The following PJA2 variants were observed in gnomAD, a reference collection of about 807,000 sequenced individuals.
PJA2 encodes E3 ubiquitin-protein ligase Praja-2.
In PJA2, 25 loss-of-function variants were observed where a neutral mutation model predicts 69.3. That is an observed-to-expected ratio of 0.36 (90% CI 0.26 to 0.50). PJA2 has a LOEUF of 0.50. PJA2 is among the 20% of genes least tolerant of loss of function. The probability of loss-of-function intolerance (pLI) is 0.96; values close to 1 mark genes in which losing one functional copy is unlikely to be tolerated. For synonymous variants in PJA2, 308 were observed against 277.8 expected (o/e 1.11, Z -1.08); for missense variants, 809 against 830.2 (o/e 0.97, Z 0.31).
At chr5:109,382,733 A>T (rs1747079321) in intron 2 of PJA2, among the ~76,000 whole-genome samples, 1 of 152,094 alleles carries the variant, frequency 6.6e-6, no homozygotes, top group Non-Finnish European at 1.5e-5. Context: ...CCATAATTCC[A>T]GCTACTCAGG....
At chr5:109,406,359 G>C (rs1747694127) in intron 1 of PJA2, among the ~76,000 whole-genome samples, 1 of 152,014 alleles carries the variant, frequency 6.6e-6, no homozygotes, top group Non-Finnish European at 1.5e-5. Flanking sequence ...TTGTTTGTTT[G>C]TTTTTTAATG....
intron 5 of PJA2, among the ~76,000 whole-genome samples, chr5:109,364,366 G>A (rs1016883410): frequency 1.4e-4 from 22 of 152,072 alleles, no homozygotes; most frequent in Admixed American, 1.2e-3. Context: ...GCTCACGCCT[G>A]TAATCCCAGC....
intron 7 of PJA2, among the ~76,000 whole-genome samples, chr5:109,345,193 A>C (rs953530543): frequency 7.3e-5 from 11 of 151,396 alleles, no homozygotes; most frequent in Admixed American, 2.6e-4. Flanking sequence ...AAAAAAAAAA[A>C]AAAAAAAACA....
At chr5:109,340,641 C>T (rs142552760) in intron 9 of PJA2, among the ~76,000 whole-genome samples, 459 of 764 alleles carry the variant, frequency 0.6, 188 homozygotes, top group South Asian at 0.79. Context: ...CCTCCCCCTC[C>T]CCCTCCCCCT....
intron 6 of PJA2, among the ~76,000 whole-genome samples, chr5:109,359,997 G>C (rs545569255): frequency 2.6e-5 from 4 of 152,252 alleles, no homozygotes; most frequent in African/African-American, 9.6e-5. Context: ...AGAAAGGAAA[G>C]ACAGAATGGT....
At chr5:109,358,265 A>G (rs1477741601) in intron 6 of PJA2, among the ~76,000 whole-genome samples, 1 of 152,240 alleles carries the variant, frequency 6.6e-6, no homozygotes, top group Non-Finnish European at 1.5e-5. Flanking sequence ...AAACAATAGC[A>G]CGTGCCTTAA....
At chr5:109,363,810 GAAA>G (rs1762536694) in intron 5 of PJA2, among the ~76,000 whole-genome samples, 1 of 151,964 alleles carries the variant, frequency 6.6e-6, no homozygotes, top group African/African-American at 2.4e-5. Flanking sequence ...TACAGATCAA[GAAA>G]ATAAGGAGGA....
At chr5:109,349,954 C>T (rs1053366256) in intron 7 of PJA2, among the ~76,000 whole-genome samples, 11 of 152,128 alleles carry the variant, frequency 7.2e-5, no homozygotes, top group Non-Finnish European at 1.3e-4. Context: ...TCCTCCAATT[C>T]CCCATATGTA....
intron 1 of PJA2, among the ~76,000 whole-genome samples, chr5:109,386,437 G>C (rs1371485571): frequency 6.6e-6 from 1 of 152,130 alleles, no homozygotes; most frequent in Non-Finnish European, 1.5e-5. Flanking sequence ...AAACAGTACA[G>C]AAATCATGGA....
At chr5:109,377,034 ACTTTAC>A (rs1305524501) in intron 4 of PJA2, among the ~76,000 whole-genome samples, 1 of 152,146 alleles carries the variant, frequency 6.6e-6, no homozygotes, top group Admixed American at 6.5e-5. Context: ...ACTGAAAAAA[ACTTTAC>A]CTTTAGCTTA....
At chr5:109,372,301 T>C (rs749123736) in intron 4 of PJA2, among the ~76,000 whole-genome samples, 3 of 152,220 alleles carry the variant, frequency 2.0e-5, no homozygotes, top group Non-Finnish European at 4.4e-5. Flanking sequence ...TCAAGAATGC[T>C]CTATTTCAAA....
intron 1 of PJA2, among the ~76,000 whole-genome samples, chr5:109,395,204 G>C (rs1747378855): frequency 1.3e-5 from 2 of 152,082 alleles, no homozygotes; most frequent in South Asian, 4.1e-4. Flanking sequence ...AAATAACGTT[G>C]ACAAGAATTA....
In PJA2 at chr5:109,337,356, A is replaced by C; in HGVS notation, c.2002T>G (p.Ser668Ala). 1.3e-6 allele frequency: 2 copies of C among 1,592,214 alleles called. No individual in the cohort carries two copies. The highest frequency in any genetic ancestry group is 1.7e-6 in the Non-Finnish European group (2 of 1,171,804). The change falls in exon 10 of 10, where the codon TCG becomes GCG. Residue 668 changes from serine (S) to alanine (A), a missense_variant and splice_region_variant. This residue lies in a region of PJA2 where 19 missense variants were observed against 62.9 expected (regional missense o/e 0.30). Transcript: ENST00000361189. ...KPCVSIWLQK[S>A]GTCPVCRRHF... Reference sequence around the variant, plus strand: ...CGGCGGCACACAGGGCATGTTCCCGACTGGAGAAAAAAAAAATGTTAAGAG... The same window carrying C: ...CGGCGGCACACAGGGCATGTTCCCGCCTGGAGAAAAAAAAAATGTTAAGAG...
At chr5:109,389,728 C>T (rs1296560120) in intron 1 of PJA2, among the ~76,000 whole-genome samples, 3 of 151,938 alleles carry the variant, frequency 2.0e-5, no homozygotes, top group Non-Finnish European at 4.4e-5. Flanking sequence ...CTAATTTATA[C>T]ATCTAAAGCA....
intron 1 of PJA2, among the ~76,000 whole-genome samples, chr5:109,386,432 G>A (rs1747158907): frequency 6.6e-6 from 1 of 152,156 alleles, no homozygotes; most frequent in Non-Finnish European, 1.5e-5. Context: ...ATTGGAAACA[G>A]TACAGAAATC....
chr5:109,383,739 C>T (rs1187464281), intron 1 of PJA2, among the ~76,000 whole-genome samples: 1 of 152,134 alleles, frequency 6.6e-6, no homozygotes, highest in African/African-American at 2.4e-5. Context: ...TCGAGAACAA[C>T]CTGGCCAACA....
At position 109,336,528 on chromosome 5, in the gene PJA2, C is replaced by A. The variant is rs376711765; in HGVS notation, c.*703G>T. 16 of 152,148 alleles carry A rather than the reference C, an allele frequency of 1.1e-4. No individual in the cohort carries two copies. Among genetic ancestry groups the A allele is most frequent in the Admixed American group, 5.2e-4 (8 of 15,274 alleles). 9.4% of individuals were successfully genotyped at this position (152,148 alleles called of 1,614,324 possible). A position where few individuals can be genotyped will look rare whatever the true frequency, so the allele number is the denominator to read the frequency against. ...CTAATTCAGCTCATTGTACCAAGCC[C>A]TGAGCACACTAGATTCTTTGTATGC... is the stretch of plus-strand genomic sequence containing the variant. On this transcript the variant is annotated 3_prime_UTR_variant, in exon 10 of 10. Transcript: ENST00000361189.
intron 1 of PJA2, among the ~76,000 whole-genome samples, chr5:109,392,607 A>G (rs957610707): frequency 2.2e-4 from 34 of 151,280 alleles, no homozygotes; most frequent in Non-Finnish European, 4.0e-4. Flanking sequence ...TTATGTGATG[A>G]TGAAATTCTG....
intron 5 of PJA2, among the ~76,000 whole-genome samples, chr5:109,367,590 AAAG>A: frequency 6.6e-6 from 1 of 152,328 alleles, no homozygotes; most frequent in African/African-American, 2.4e-5. Context: ...AAAAAAAGAA[AAAG>A]AATACACATC....
Sources: allele counts gnomAD v4.1 joint callset (sites outside exome capture counted in the v4.1 genomes callset), GRCh38; gene constraint gnomAD v4.1.1; regional missense constraint gnomAD v4.1.1; transcripts MANE v1.5; gene names NCBI Gene and HGNC (gene_info 2026-07-23, HGNC 2026-07-21).